The following RAB30 variants were observed in gnomAD, a reference collection of about 807,000 sequenced individuals.
RAB30 encodes the protein ras-related protein Rab-30.
Under a neutral mutation model 25.1 loss-of-function variants are expected in RAB30, and 9 were observed. The observed-to-expected ratio is 0.36, with a 90% CI of 0.22 to 0.63. The LOEUF (loss-of-function observed/expected upper bound fraction) is 0.63, where lower values mean the gene tolerates loss of function less well. Ranked by LOEUF, RAB30 falls within the 20% of genes least tolerant of loss-of-function variation. The pLI is 0.69. For missense variants in RAB30, 140 were observed against 243.5 expected, an observed-to-expected ratio of 0.58 and a Z score of 2.83; for synonymous variants, 77 against 86.4, an observed-to-expected ratio of 0.89 and a Z score of 0.60.
intron 1 of RAB30, among the ~76,000 whole-genome samples, chr11:82,998,940 A>G (rs1425663044): frequency 3.3e-5 from 5 of 152,170 alleles, no homozygotes; most frequent in Admixed American, 3.3e-4. Context: ...AGGAGAGCCC[A>G]ATTAGCTGAA....
At chr11:83,069,680 C>T (rs181422233) in intron 1 of RAB30, among the ~76,000 whole-genome samples, 253 of 152,258 alleles carry the variant, frequency 1.7e-3, no homozygotes, top group Non-Finnish European at 3.0e-3. Context: ...ACTACTTATT[C>T]CTTGGGAATT....
intron 1 of RAB30, among the ~76,000 whole-genome samples, chr11:83,024,817 A>C (rs79550378): frequency 0.018 from 2,745 of 152,338 alleles, 73 homozygotes; most frequent in African/African-American, 0.062. Flanking sequence ...TCTGCAATGC[A>C]CAGTAACAAG....
chr11:82,977,685 A>C lies in RAB30; in HGVS notation c.*4480T>G, dbSNP rs980133100. 6.6e-6 allele frequency: 1 copy of C among 152,064 alleles called. No homozygotes were observed. The highest frequency in any genetic ancestry group is 1.5e-5 in the Non-Finnish European group (1 of 68,002). 9.4% of individuals were successfully genotyped at this position (152,064 alleles called of 1,614,324 possible). ...GTATTCCCCTCTTTTTCCTAACCTA[A>C]GTCTCCCCAAATCCTTCAAGTATTC... On this transcript the variant is annotated 3_prime_UTR_variant, in exon 5 of 5. Coordinates refer to ENST00000527633, the MANE Select transcript of RAB30 (RefSeq NM_001286060.2).
In RAB30 at chr11:82,982,130, G is replaced by T. The variant is rs1856649560; in HGVS notation, c.*35C>A. 1 of 1,612,764 alleles carries T rather than the reference G, an allele frequency of 6.2e-7. No individual in the cohort carries two copies. The highest frequency in any genetic ancestry group is 1.3e-5 in the African/African-American group (1 of 75,024). ...CAGCATCTCATGGCCCATCAGGGCAGTTGCTGATTCCTTTTCTTCTCCGTG... is the reference window on the plus strand; with the variant it reads ...CAGCATCTCATGGCCCATCAGGGCATTTGCTGATTCCTTTTCTTCTCCGTG... On this transcript the variant is annotated 3_prime_UTR_variant, in exon 5 of 5. Transcript: ENST00000527633.
At chr11:82,995,372 T>A (rs1210653402) in intron 2 of RAB30, among the ~76,000 whole-genome samples, 1 of 152,192 alleles carries the variant, frequency 6.6e-6, no homozygotes. Flanking sequence ...TTGGCTCAGA[T>A]ACAAAAGCTG....
chr11:83,033,740 G>A (rs1857927169), intron 1 of RAB30, among the ~76,000 whole-genome samples: 2 of 152,062 alleles, frequency 1.3e-5, no homozygotes, highest in African/African-American at 4.8e-5. Context: ...TGGGAATTAA[G>A]AAAACAATAA....
At chr11:82,995,881 G>C (rs1291889221) in intron 2 of RAB30, among the ~76,000 whole-genome samples, 2 of 152,210 alleles carry the variant, frequency 1.3e-5, no homozygotes, top group Non-Finnish European at 2.9e-5. Flanking sequence ...TATAAAGTGA[G>C]AGAGGTGGGT....
chr11:82,997,983 C>T (rs1313055462), intron 1 of RAB30, among the ~76,000 whole-genome samples: 15 of 152,148 alleles, frequency 9.9e-5, no homozygotes, highest in Admixed American at 9.8e-4. Context: ...GGATGCCCTC[C>T]CTTCCACCCC....
intron 4 of RAB30, among the ~76,000 whole-genome samples, chr11:82,986,444 C>T (rs1213992761): frequency 1.3e-5 from 2 of 152,140 alleles, no homozygotes; most frequent in Non-Finnish European, 2.9e-5. Flanking sequence ...AGATAAAATC[C>T]CAAGTAGTAA....
At chr11:83,058,432 C>A (rs1367436374) in intron 1 of RAB30, among the ~76,000 whole-genome samples, 1 of 152,180 alleles carries the variant, frequency 6.6e-6, no homozygotes, top group Non-Finnish European at 1.5e-5. Context: ...TAATCTAGAA[C>A]CATTCCTCAG....
chr11:82,989,154 A>G (rs1238157787), intron 3 of RAB30, among the ~76,000 whole-genome samples: 1 of 152,174 alleles, frequency 6.6e-6, no homozygotes, highest in African/African-American at 2.4e-5. Flanking sequence ...ACCTCCCCGT[A>G]TTAATGGAAA....
At chr11:83,040,041 C>A (rs1858072826) in intron 1 of RAB30, among the ~76,000 whole-genome samples, 1 of 151,950 alleles carries the variant, frequency 6.6e-6, no homozygotes, top group Admixed American at 6.6e-5. Flanking sequence ...AGGTGAGGAG[C>A]AGGAGCCAAA....
chr11:82,983,582 C>G (rs1856681439), intron 4 of RAB30, among the ~76,000 whole-genome samples: 1 of 136,262 alleles, frequency 7.3e-6, no homozygotes, highest in African/African-American at 2.8e-5. Context: ...CAGGCAGGCA[C>G]TACCATGCCC....
At chr11:83,007,164 C>A (rs1185370627) in intron 1 of RAB30, among the ~76,000 whole-genome samples, 4 of 152,134 alleles carry the variant, frequency 2.6e-5, no homozygotes, top group Non-Finnish European at 5.9e-5. Context: ...AACACAGGTC[C>A]CCTGACTCCA....
intron 1 of RAB30, among the ~76,000 whole-genome samples, chr11:83,007,712 C>G (rs1162936168): frequency 6.6e-6 from 1 of 152,210 alleles, no homozygotes; most frequent in Non-Finnish European, 1.5e-5. Flanking sequence ...CCAGGCGGGG[C>G]TAATTTGTTT....
At chr11:83,071,272 G>C (rs1858838225) in intron 1 of RAB30, 1 of 152,148 alleles carries the variant, frequency 6.6e-6, no homozygotes, top group East Asian at 1.9e-4. Context: ...CTAAAGTAGT[G>C]CGACCACATT....
intron 1 of RAB30, among the ~76,000 whole-genome samples, chr11:83,070,281 T>C (rs949389892): frequency 1.3e-5 from 2 of 152,122 alleles, no homozygotes; most frequent in South Asian, 4.1e-4. Context: ...TCCCAATAAA[T>C]CACTCTACTA....
chr11:83,010,320 A>G (rs1015998974), intron 1 of RAB30, among the ~76,000 whole-genome samples: 7 of 152,126 alleles, frequency 4.6e-5, no homozygotes, highest in African/African-American at 1.7e-4. Flanking sequence ...GTGTGGTGTC[A>G]TATGTCTATG....
rs576807263 is a variant in RAB30 at position 83,067,444 on chromosome 11, A to G, written c.-9+4247T>C. On this transcript the variant is annotated intron_variant, in intron 1 of 4. Coordinates refer to ENST00000527633, the MANE Select transcript of RAB30 (RefSeq NM_001286060.2). Reference sequence around the variant, plus strand: ...AAAGCCTCGTCCAGAGCTCTCTTCTACTCCATCATGCCACATCCTACACAT... The same window carrying G: ...AAAGCCTCGTCCAGAGCTCTCTTCTGCTCCATCATGCCACATCCTACACAT... Among the ~76,000 whole-genome samples the G allele has an allele frequency of 5.8e-4, 89 of 152,244 alleles. 1 individual carries two copies. The highest frequency in any genetic ancestry group is 2.1e-3 in the African/African-American group (86 of 41,544).
Sources: gnomAD v4.1 joint callset for allele counts (sites outside exome capture counted in the v4.1 genomes callset) on GRCh38, gnomAD v4.1.1 for gene constraint, MANE v1.5 for transcripts, NCBI Gene and HGNC (gene_info 2026-07-23, HGNC 2026-07-21) for gene names.